The following ANXA8 variants were observed in gnomAD, a reference collection of about 807,000 sequenced individuals.
ANXA8 encodes the protein annexin A8.
ANXA8 carries 9 observed loss-of-function variants against 26.8 expected under a neutral mutation model. That is an observed-to-expected ratio of 0.34 (90% CI 0.20 to 0.59). The LOEUF (loss-of-function observed/expected upper bound fraction) is 0.59, where lower values mean the gene tolerates loss of function less well. Ranked by LOEUF, ANXA8 falls within the 20% of genes least tolerant of loss-of-function variation. The pLI is 0.84. For missense variants in ANXA8, 83 were observed against 238.5 expected (o/e 0.35, Z 4.29); for synonymous variants, 39 against 94.8 (o/e 0.41, Z 3.42).
chr10:47,489,004 C>T (rs1281976938), upstream of ANXA8, among the ~76,000 whole-genome samples: 10 of 147,040 alleles, frequency 6.8e-5, no homozygotes, highest in South Asian at 2.2e-4. Flanking sequence ...CGTGAGCCAC[C>T]GCCCCCAGCA....
At chr10:47,671,871 CTTT>C in the ANXA8 span, among the ~76,000 whole-genome samples, 1 of 147,844 alleles carries the variant, frequency 6.8e-6, no homozygotes, top group East Asian at 2.0e-4. Context: ...TGTTTTGCTT[CTTT>C]TTTTTTTTAT....
chr10:47,675,886 G>C, the ANXA8 span, among the ~76,000 whole-genome samples: 51 of 151,662 alleles, frequency 3.4e-4, no homozygotes, highest in Non-Finnish European at 6.2e-4. Flanking sequence ...TGAAAAGATG[G>C]GGATTTCTGT....
At chr10:47,525,835 G>A in the ANXA8 span, among the ~76,000 whole-genome samples, 10 of 99,636 alleles carry the variant, frequency 1.0e-4, no homozygotes, top group Admixed American at 2.4e-4. Context: ...ACGGAGTTTC[G>A]TTCTTGTTGC....
the ANXA8 span, among the ~76,000 whole-genome samples, chr10:47,711,146 TAC>T: frequency 6.9e-6 from 1 of 144,290 alleles, no homozygotes; most frequent in Non-Finnish European, 1.5e-5. Context: ...TTCAATAAAT[TAC>T]AGTTTCATAT....
At chr10:47,490,205 G>C in the ANXA8 span, 1 of 176,998 alleles carries the variant, frequency 5.6e-6, no homozygotes, top group Non-Finnish European at 1.2e-5. Context: ...GCCTACTTCA[G>C]AGTTTTTTAA....
At chr10:47,940,361 G>A in the ANXA8 span, among the ~76,000 whole-genome samples, 1 of 146,454 alleles carries the variant, frequency 6.8e-6, no homozygotes, top group Non-Finnish European at 1.5e-5. Flanking sequence ...AGGTGAGCTA[G>A]CCTCCAACAG....
chr10:47,777,303 A>T, the ANXA8 span, among the ~76,000 whole-genome samples: 3 of 151,460 alleles, frequency 2.0e-5, no homozygotes, highest in African/African-American at 7.3e-5. Context: ...GCACCATCAG[A>T]TCTGATGTGG....
At chr10:47,719,090 G>T in the ANXA8 span, among the ~76,000 whole-genome samples, 3 of 114,156 alleles carry the variant, frequency 2.6e-5, no homozygotes, top group South Asian at 3.4e-4. Context: ...TTGGAAAAAA[G>T]TTTAAAAGAG....
chr10:47,959,842 C>T, the ANXA8 span, among the ~76,000 whole-genome samples: 1 of 151,118 alleles, frequency 6.6e-6, no homozygotes, highest in African/African-American at 2.5e-5. Flanking sequence ...GCTGTGCCCG[C>T]TTCTAAGCTC....
chr10:47,627,519 T>C, the ANXA8 span, among the ~76,000 whole-genome samples: 1 of 149,986 alleles, frequency 6.7e-6, no homozygotes, highest in Non-Finnish European at 1.5e-5. Context: ...TCAGGTGTGA[T>C]AAAATCACCT....
chr10:47,565,625 C>G, the ANXA8 span: 1 of 324,074 alleles, frequency 3.1e-6, no homozygotes, highest in African/African-American at 2.2e-5. Context: ...CGCGCGCGGC[C>G]TGAACTTCGG....
At chr10:47,551,084 T>C in the ANXA8 span, among the ~76,000 whole-genome samples, 1 of 151,566 alleles carries the variant, frequency 6.6e-6, no homozygotes, top group Admixed American at 6.6e-5. Context: ...TTCAATAGTA[T>C]AGAGTTGAAA....
chr10:47,605,901 A>C, the ANXA8 span, among the ~76,000 whole-genome samples: 1 of 139,196 alleles, frequency 7.2e-6, no homozygotes, highest in African/African-American at 2.9e-5. Flanking sequence ...CACTTAAAAA[A>C]CTGAACAAAA....
chr10:47,695,870 G>C, the ANXA8 span, among the ~76,000 whole-genome samples: 3 of 151,746 alleles, frequency 2.0e-5, no homozygotes, highest in Non-Finnish European at 2.9e-5. Flanking sequence ...TCTCTTTCCA[G>C]TTGGAAAATG....
the ANXA8 span, among the ~76,000 whole-genome samples, chr10:47,554,112 A>AATAAATAAATAC: frequency 7.1e-6 from 1 of 141,354 alleles, no homozygotes; most frequent in Non-Finnish European, 1.5e-5. Flanking sequence ...TCTCTCAAAA[A>AATAAATAAATAC]ATAAATAAAT....
the ANXA8 span, among the ~76,000 whole-genome samples, chr10:47,671,303 T>A: frequency 2.0e-5 from 3 of 151,774 alleles, no homozygotes; most frequent in South Asian, 6.2e-4. Context: ...GTGCCTGTAG[T>A]CCTAGCTACT....
the ANXA8 span, among the ~76,000 whole-genome samples, chr10:47,940,342 G>A: frequency 9.6e-3 from 1,396 of 145,732 alleles, 26 homozygotes; most frequent in Non-Finnish European, 0.011. Context: ...AACAGATATT[G>A]GAGCTTGAAG....
At chr10:47,945,332 G>A in the ANXA8 span, among the ~76,000 whole-genome samples, 29 of 150,414 alleles carry the variant, frequency 1.9e-4, no homozygotes, top group African/African-American at 7.1e-4. Flanking sequence ...GACTGAATCA[G>A]GAGGCAGCAG....
the ANXA8 span, among the ~76,000 whole-genome samples, chr10:47,976,733 T>C: frequency 6.7e-6 from 1 of 148,898 alleles, no homozygotes; most frequent in African/African-American, 2.5e-5. Context: ...TTCCCAGGGA[T>C]TGTCTTTGCT....
Sources: gnomAD v4.1 joint callset for allele counts (sites outside exome capture counted in the v4.1 genomes callset) on GRCh38, gnomAD v4.1.1 for gene constraint, MANE v1.5 for transcripts, NCBI Gene and HGNC (gene_info 2026-07-23, HGNC 2026-07-21) for gene names.